The following HAUS6 variants were observed in gnomAD, a reference collection of about 807,000 sequenced individuals.
The protein encoded by HAUS6 is HAUS augmin-like complex subunit 6.
HAUS6 carries 80 observed loss-of-function variants against 106.8 expected under a neutral mutation model. The observed-to-expected ratio is 0.75, with a 90% confidence interval of 0.63 to 0.90. HAUS6 has a LOEUF of 0.90. Ranked by LOEUF, HAUS6 falls within the 40% of genes least tolerant of loss-of-function variation. The pLI, the probability that HAUS6 is intolerant of heterozygous loss-of-function variation, is 0.00. For synonymous variants in HAUS6, 356 were observed against 379.1 expected (o/e 0.94, Z 0.71); for missense variants, 1,155 against 1,118.1 (o/e 1.03, Z -0.47).
rs199727248 is a variant in HAUS6, at chr9:19,058,476, C to T, written c.2291G>A (p.Ser764Asn). The T allele has an allele frequency of 1.6e-5, 26 of 1,589,158 alleles. No homozygotes were observed. Among genetic ancestry groups the T allele is most frequent in the Middle Eastern group, 1.7e-4 (1 of 5,950 alleles). Residue 764 changes from serine to asparagine, a missense_variant, in exon 16 of 17, where the codon AGT (serine) becomes AAT (asparagine). Ser to Asn is a conservative substitution (Grantham distance 46). Around this residue, in one of 3 missense-constraint regions of HAUS6, gnomAD observed 380 missense variants for 394.8 expected, o/e 0.96. Coordinates refer to ENST00000380502, the MANE Select transcript of HAUS6 (RefSeq NM_017645.5). Reference protein sequence around the residue: ...WNSFQISSGISSKSFKDNDFG... With the variant: ...WNSFQISSGINSKSFKDNDFG... ...ATCATTATCTTTAAAACTCTTAGAACTAATTCCACTTGATATCTGAAAAGA... is the reference window on the plus strand; with the variant it reads ...ATCATTATCTTTAAAACTCTTAGAATTAATTCCACTTGATATCTGAAAAGA...
intron 10 of HAUS6, among the ~76,000 whole-genome samples, 190 bp downstream of exon 10, chr9:19,077,986 G>A (rs551165589): frequency 7.2e-5 from 11 of 152,068 alleles, no homozygotes; most frequent in East Asian, 1.9e-4. Context: ...GCTTGAGCCC[G>A]GAAGTTCAAG....
At chr9:19,100,351 G>T (rs976789854) in intron 1 of HAUS6, among the ~76,000 whole-genome samples, 1 of 152,208 alleles carries the variant, frequency 6.6e-6, no homozygotes, top group Non-Finnish European at 1.5e-5. Flanking sequence ...GAGAGACAGA[G>T]CCAGACTATC....
chr9:19,097,392 C>T (rs1156805299), intron 1 of HAUS6, among the ~76,000 whole-genome samples: 1 of 151,960 alleles, frequency 6.6e-6, no homozygotes, highest in Non-Finnish European at 1.5e-5. Flanking sequence ...TGAACTCAAA[C>T]AAATTTACAA....
chr9:19,078,023 CGTACTCCAGCCAGCTATGATCGTGCCACT>C (rs1012061418), intron 10 of HAUS6, among the ~76,000 whole-genome samples, 124 bp downstream of exon 10: 7 of 151,430 alleles, frequency 4.6e-5, no homozygotes, highest in African/African-American at 9.7e-5. Context: ...ATCATGCCAC[CGTACTCCAGCCAGCTATGATCGTGCCACT>C]GTACTCCAGC....
chr9:19,065,978 C>T (rs1301379793), intron 12 of HAUS6, among the ~76,000 whole-genome samples: 1 of 150,050 alleles, frequency 6.7e-6, no homozygotes, highest in Non-Finnish European at 1.5e-5. Context: ...CTCTGTCGCC[C>T]ACACTGGAGT....
intron 1 of HAUS6, among the ~76,000 whole-genome samples, chr9:19,097,698 C>T (rs967775296): frequency 6.6e-6 from 1 of 151,568 alleles, no homozygotes; most frequent in African/African-American, 2.4e-5. Context: ...TTTCCAGAAC[C>T]ATCTTTATAA....
At chr9:19,081,071 T>TCAAA (rs912475896) in intron 8 of HAUS6, among the ~76,000 whole-genome samples, 2 of 148,200 alleles carry the variant, frequency 1.3e-5, no homozygotes, top group Non-Finnish European at 3.0e-5. Context: ...AAACTCCATC[T>TCAAA]CAAACAAACA....
rs147787866 is a variant in HAUS6 at position 19,063,097 on chromosome 9, T to G, written c.1540A>C (p.Lys514Gln). 52 of 1,606,462 alleles carry G rather than the reference T, an allele frequency of 3.2e-5. No homozygotes were observed. The East Asian group carries it at 4.7e-4, about 14-fold the overall frequency. Residue 514 changes from lysine to glutamine, a missense_variant, in exon 14 of 17, where the codon AAG becomes CAG. Transcript: ENST00000380502. ...VENSPLSDVA[K>Q]NTESSAFGGS... ...CCAAATGCACTACTCTCTGTATTCT[T>G]TGCAACATCTGATAATGGAGAATTT...
At chr9:19,079,926 G>A (rs1251722866) in intron 9 of HAUS6, among the ~76,000 whole-genome samples, 2 of 146,860 alleles carry the variant, frequency 1.4e-5, no homozygotes, top group Non-Finnish European at 3.0e-5. Flanking sequence ...TGTAATCCCA[G>A]CACTTTGGGA....
At position 19,063,784 on chromosome 9, in the gene HAUS6, C is replaced by T. The variant is rs751088078; in HGVS notation, c.1377-204G>A. ...TCAGCCCAATTTGTGTATCAGCCTC[C>T]CAATTATGAAGACTTTACTTACCAC... On this transcript the variant is annotated intron_variant, in intron 12 of 16. Coordinates refer to ENST00000380502, the MANE Select transcript of HAUS6 (RefSeq NM_017645.5). The T allele has an allele frequency of 1.2e-5, 9 of 729,670 alleles. No individual in the cohort carries two copies. In the Admixed American group the frequency reaches 1.4e-4, roughly 11 times the overall value. 45.2% of individuals were successfully genotyped at this position (729,670 alleles called of 1,614,324 possible).
At position 19,093,211 on chromosome 9, in the gene HAUS6, T is replaced by G; in HGVS notation, c.396A>C (p.Ala132=). Residue 132 remains alanine (A), a synonymous_variant, in exon 4 of 17, where the codon GCA becomes GCC. Transcript: ENST00000380502. ...PKFIHLMYHF[A]RFVAMKYIKS... is the part of the protein sequence containing the mutation. ...TAATATATTTCATTGCAACAAATCT[T>G]GCAAAATGATACATCAGATGAATAA... is the stretch of plus-strand genomic sequence containing the variant. 6.2e-7 allele frequency: 1 copy of G among 1,603,672 alleles called. No individual in the cohort carries two copies. Among genetic ancestry groups the G allele is most frequent in the Non-Finnish European group, 8.5e-7 (1 of 1,173,554 alleles).
At chr9:19,077,314 C>T (rs1174804496) in intron 10 of HAUS6, among the ~76,000 whole-genome samples, 3 of 152,214 alleles carry the variant, frequency 2.0e-5, no homozygotes, top group Admixed American at 1.3e-4. Flanking sequence ...GCAGGTGGAT[C>T]ACCTGAAGTC....
chr9:19,076,572 CAA>C (rs762215161), intron 11 of HAUS6, 28 bp downstream of exon 11: 1 of 986,600 alleles, frequency 1.0e-6, no homozygotes, highest in Admixed American at 1.9e-5. Flanking sequence ...AAGGAGGTTT[CAA>C]AGAGAAAAAA....
Position 19,053,695 on chromosome 9 carries a change from TAC to T in HAUS6, c.*2646_*2647del, listed in dbSNP as rs1836408100. The T allele has an allele frequency of 6.6e-6, 1 of 152,194 alleles. No homozygotes were observed. The highest frequency in any genetic ancestry group is 6.5e-5 in the Admixed American group (1 of 15,276). 9.4% of individuals were successfully genotyped at this position (152,194 alleles called of 1,614,324 possible). A position where few individuals can be genotyped will look rare whatever the true frequency, so the allele number is the denominator to read the frequency against. ...GTATCTTACAAATAGTAAAACAAAGTACATTCTATATGTCTGATATTAATGTA... is the reference window on the plus strand; with the variant it reads ...GTATCTTACAAATAGTAAAACAAAGTATTCTATATGTCTGATATTAATGTA... On this transcript the variant is annotated 3_prime_UTR_variant, in exon 17 of 17. Transcript: ENST00000380502.
In HAUS6 at chr9:19,054,192, A is replaced by G. The variant is rs1053419627; in HGVS notation, c.*2151T>C. 2.6e-5 allele frequency: 4 copies of G among 152,210 alleles called. No individual in the cohort carries two copies. Among genetic ancestry groups the G allele is most frequent in the African/African-American group, 9.6e-5 (4 of 41,458 alleles). 9.4% of individuals were successfully genotyped at this position (152,210 alleles called of 1,614,324 possible). A position where few individuals can be genotyped will look rare whatever the true frequency, so the allele number is the denominator to read the frequency against. ...TCAAGACCTCTAAAGACCCATGCTC[A>G]CTGAAGCATTTCAGTAAAAAAATGG... On this transcript the variant is annotated 3_prime_UTR_variant, in exon 17 of 17. Coordinates refer to ENST00000380502, the MANE Select transcript of HAUS6 (RefSeq NM_017645.5).
chr9:19,078,341 CA>C lies in HAUS6; in HGVS notation c.1065-40del, dbSNP rs201188409. ...AAAAAACTTTATTCAAAAGATGATA[CA>C]AAAAAAGCACTGAGTAAAATTTAAG... On this transcript the variant is annotated intron_variant, in intron 9 of 16. Coordinates refer to ENST00000380502, the MANE Select transcript of HAUS6 (RefSeq NM_017645.5). 1.5e-3 allele frequency: 1,794 copies of C among 1,182,898 alleles called. 16 individuals are homozygous for C. The African/African-American group carries it at 0.025, about 17-fold the overall frequency. 73.3% of individuals were successfully genotyped at this position (1,182,898 alleles called of 1,614,324 possible).
rs146922271 is a variant in HAUS6 at position 19,079,797 on chromosome 9, G to A, written c.1064+682C>T. On this transcript the variant is annotated intron_variant, in intron 9 of 16. Coordinates refer to ENST00000380502, the MANE Select transcript of HAUS6 (RefSeq NM_017645.5). ...GCGTGCCTGTAATCTCAGCTACTCG[G>A]GAGTCTGAGGCAGGAGAATCGCATG... 4.1e-3 allele frequency among the ~76,000 whole-genome samples: 620 copies of A among 150,566 alleles called. 3 individuals carry two copies. The highest frequency in any genetic ancestry group is 0.015 in the African/African-American group (597 of 40,944).
chr9:19,058,245 T>C lies in HAUS6; in HGVS notation c.2522A>G (p.Lys841Arg), dbSNP rs1167714562. The C allele has an allele frequency of 6.2e-7, 1 of 1,613,818 alleles. No individual in the cohort carries two copies. The highest frequency in any genetic ancestry group is 1.3e-5 in the African/African-American group (1 of 74,904). ...TTCCCTTTTCTTGGAAAGAGATTTCTTCAGAGCCTCGTATCTACTGCGAAG... is the reference window on the plus strand; with the variant it reads ...TTCCCTTTTCTTGGAAAGAGATTTCCTCAGAGCCTCGTATCTACTGCGAAG... ...QALRSRYEAL[K>R]KSLSKKREES... Residue 841 changes from lysine (K) to arginine (R), a missense_variant, in exon 16 of 17, where the codon AAG (lysine) becomes AGG (arginine). Physicochemically the swap from Lys to Arg is conservative, Grantham distance 26. This residue lies in a region of HAUS6 where 380 missense variants were observed against 394.8 expected (regional missense o/e 0.96). Coordinates refer to ENST00000380502, the MANE Select transcript of HAUS6 (RefSeq NM_017645.5).
intron 12 of HAUS6, among the ~76,000 whole-genome samples, chr9:19,065,714 G>T (rs112185018): frequency 1.2e-4 from 18 of 151,766 alleles, no homozygotes; most frequent in African/African-American, 3.1e-4. Context: ...GGTCATGGGC[G>T]CCTGTAATCC....
Sources: allele counts gnomAD v4.1 joint callset (sites outside exome capture counted in the v4.1 genomes callset), GRCh38; gene constraint gnomAD v4.1.1; regional missense constraint gnomAD v4.1.1; transcripts MANE v1.5; gene names NCBI Gene and HGNC (gene_info 2026-07-23, HGNC 2026-07-21).